The following DNAAF8 variants were observed in gnomAD, a reference collection of about 807,000 sequenced individuals.
The protein encoded by DNAAF8 is dynein axonemal assembly factor 8, also known as dynein axonemal-associated protein 1.
DNAAF8 carries 61 observed loss-of-function variants against 54.6 expected under a neutral mutation model. The ratio of observed to expected loss-of-function variants is 1.12; its 90% CI spans 0.91 to 1.38. The LOEUF (loss-of-function observed/expected upper bound fraction) is 1.38, where lower values mean the gene tolerates loss of function less well. Among genes scored for constraint, DNAAF8 ranks in the 40% most tolerant of loss-of-function variants. The pLI, the probability that DNAAF8 is intolerant of heterozygous loss-of-function variation, is 0.00. For synonymous variants in DNAAF8, 320 were observed against 270.1 expected (o/e 1.18, Z -1.81); for missense variants, 837 against 665.0 (o/e 1.26, Z -2.85).
At position 4,747,579 on chromosome 16, in the gene DNAAF8, C is replaced by G. The variant is rs774438684; in HGVS notation, c.1517C>G (p.Pro506Arg). ...AGAGCCCTGGGGGATGTTCCTGAGCCAGGGGCAGCCAGGGAGGCCCTGATG... is the reference window on the plus strand; with the variant it reads ...AGAGCCCTGGGGGATGTTCCTGAGCGAGGGGCAGCCAGGGAGGCCCTGATG... ...RPRALGDVPE[P>R]GAAREALMPP... Residue 506 changes from proline (P) to arginine (R), a missense_variant, in exon 9 of 10, where the codon CCA (proline) becomes CGA (arginine). Coordinates refer to ENST00000299320, the MANE Select transcript of DNAAF8 (RefSeq NM_139170.3). 1 of 1,610,684 alleles carries G rather than the reference C, an allele frequency of 6.2e-7. No individual in the cohort carries two copies. Among genetic ancestry groups the G allele is most frequent in the South Asian group, 1.1e-5 (1 of 90,902 alleles).
In DNAAF8 at chr16:4,737,927, C is replaced by G. The variant is rs758960991; in HGVS notation, c.257C>G (p.Ala86Gly). The G allele has an allele frequency of 1.9e-5, 30 of 1,614,238 alleles. No homozygotes were observed. Among genetic ancestry groups the G allele is most frequent in the Non-Finnish European group, 2.5e-5 (30 of 1,180,042 alleles). ...AAGTCCAGGGCCTGGGTCGCTGCAG[C>G]TGAAGAGTCCCTTCCCGAGGTCTGT... is the stretch of plus-strand genomic sequence containing the variant. ...GDKSRAWVAA[A>G]EESLPEPVLV... Residue 86 changes from alanine to glycine, a missense_variant, in exon 3 of 10, where the codon GCT becomes GGT. Coordinates refer to ENST00000299320, the MANE Select transcript of DNAAF8 (RefSeq NM_139170.3).
At chr16:4,745,466 G>C (rs897054813) in intron 6 of DNAAF8, among the ~76,000 whole-genome samples, 3 of 152,204 alleles carry the variant, frequency 2.0e-5, no homozygotes, top group African/African-American at 7.2e-5. Flanking sequence ...CAGGGAGAAA[G>C]GCAAGCTGCA....
At position 4,737,908 on chromosome 16, in the gene DNAAF8, A is replaced by G. The variant is rs764317984; in HGVS notation, c.238A>G (p.Arg80Gly). The change falls in exon 3 of 10, where the codon AGG (arginine) becomes GGG (glycine). Residue 80 changes from arginine (R) to glycine (G), a missense_variant. By Grantham distance (125) the Arg-to-Gly change is moderately radical. Coordinates refer to ENST00000299320, the MANE Select transcript of DNAAF8 (RefSeq NM_139170.3). ...AEDPADGDKS[R>G]AWVAAAEESL... Reference sequence around the variant, plus strand: ...AGATCCTGCCGATGGCGACAAGTCCAGGGCCTGGGTCGCTGCAGCTGAAGA... The same window carrying G: ...AGATCCTGCCGATGGCGACAAGTCCGGGGCCTGGGTCGCTGCAGCTGAAGA... 1 of 1,614,246 alleles carries G rather than the reference A, an allele frequency of 6.2e-7. No individual in the cohort carries two copies. The highest frequency in any genetic ancestry group is 8.5e-7 in the Non-Finnish European group (1 of 1,180,044).
At position 4,740,669 on chromosome 16, in the gene DNAAF8, T is replaced by C; in HGVS notation, c.783+10T>C. Reference sequence around the variant, plus strand: ...AGTGCTCTCGCTCCAGGTAGGCGCCTCCCCGTGCCTGGCTGTTTCTCAGGC... The same window carrying C: ...AGTGCTCTCGCTCCAGGTAGGCGCCCCCCCGTGCCTGGCTGTTTCTCAGGC... On this transcript the variant is annotated intron_variant, in intron 4 of 9. Coordinates refer to ENST00000299320, the MANE Select transcript of DNAAF8 (RefSeq NM_139170.3). 1 of 1,569,592 alleles carries C rather than the reference T, an allele frequency of 6.4e-7. No homozygotes were observed. Among genetic ancestry groups the C allele is most frequent in the Non-Finnish European group, 8.6e-7 (1 of 1,162,842 alleles).
intron 4 of DNAAF8, among the ~76,000 whole-genome samples, chr16:4,742,650 G>T (rs2142207451): frequency 6.6e-6 from 1 of 152,246 alleles, no homozygotes; most frequent in African/African-American, 2.4e-5. Context: ...AACCTGGGAG[G>T]TGGAGGTTGC....
At chr16:4,744,776 A>C in intron 5 of DNAAF8, 94 bp from the exon 6 acceptor site, 1 of 1,440,482 alleles carries the variant, frequency 6.9e-7, no homozygotes. Flanking sequence ...GTCCATTCAC[A>C]TGTGGAGACC....
At chr16:4,740,093 A>G (rs2081943047) in intron 3 of DNAAF8, 60 bp from the exon 4 acceptor site, 1 of 1,494,026 alleles carries the variant, frequency 6.7e-7, no homozygotes, top group Admixed American at 2.3e-5. Flanking sequence ...TTTCTATGAA[A>G]AACATTCCCT....
chr16:4,737,943 C>T lies in DNAAF8; in HGVS notation c.273C>T (p.Pro91=), dbSNP rs199745071. ...AWVAAAEESL[P]EPVLVPAELA... Reference sequence around the variant, plus strand: ...TCGCTGCAGCTGAAGAGTCCCTTCCCGAGGTCTGTGGGACACAGAAGAGTA... The same window carrying T: ...TCGCTGCAGCTGAAGAGTCCCTTCCTGAGGTCTGTGGGACACAGAAGAGTA... Residue 91 remains proline, a synonymous_variant, in exon 3 of 10, where the codon CCC becomes CCT. Coordinates refer to ENST00000299320, the MANE Select transcript of DNAAF8 (RefSeq NM_139170.3). 42 of 1,614,082 alleles carry T rather than the reference C, an allele frequency of 2.6e-5. No individual in the cohort carries two copies. Among genetic ancestry groups the T allele is most frequent in the African/African-American group, 4.0e-5 (3 of 75,036 alleles).
intron 2 of DNAAF8, among the ~76,000 whole-genome samples, chr16:4,737,245 C>T (rs1359378228): frequency 6.6e-6 from 1 of 152,150 alleles, no homozygotes; most frequent in Non-Finnish European, 1.5e-5. Context: ...TGGGTCCTAC[C>T]TGGGCACCAG....
intron 2 of DNAAF8, 105 bp from the exon 3 acceptor site, chr16:4,737,695 G>GGGCTGGGCT: frequency 2.8e-6 from 4 of 1,405,676 alleles, no homozygotes; most frequent in Non-Finnish European, 3.9e-6. Context: ...TGGGCTGGGC[G>GGGCTGGGCT]GGCTGGGCTG....
At chr16:4,738,020 T>C in intron 3 of DNAAF8, 74 bp downstream of exon 3, 1 of 1,497,754 alleles carries the variant, frequency 6.7e-7, no homozygotes, top group Non-Finnish European at 9.1e-7. Context: ...TAAACCACTG[T>C]TCTAGCATTT....
At position 4,740,759 on chromosome 16, in the gene DNAAF8, C is replaced by T. The variant is rs1258788655; in HGVS notation, c.783+100C>T. ...GCTAGAAGCAGCTTGAGGGCTGGCC[C>T]ACTAGGACCTTAGGCCCATTATCCA... On this transcript the variant is annotated intron_variant, in intron 4 of 9. Transcript: ENST00000299320. 2.9e-6 allele frequency: 4 copies of T among 1,378,348 alleles called. No individual in the cohort carries two copies. The East Asian group carries it at 7.0e-5, about 24-fold the overall frequency. 85.4% of individuals were successfully genotyped at this position (1,378,348 alleles called of 1,614,324 possible).
At position 4,740,539 on chromosome 16, in the gene DNAAF8, C is replaced by T; in HGVS notation, c.663C>T (p.Gly221=). The change falls in exon 4 of 10, where the codon GGC becomes GGT. Residue 221 remains glycine, a synonymous_variant. Transcript: ENST00000299320. ...AGAAAGTCACCCGGGATGCCTGCGG[C>T]CCGACCAGCAGTGACAAAGGTGGGG... is the stretch of plus-strand genomic sequence containing the variant. ...ILQKVTRDAC[G]PTSSDKGGVK... The T allele has an allele frequency of 6.2e-7, 1 of 1,614,034 alleles. No homozygotes were observed.
intron 3 of DNAAF8, 114 bp downstream of exon 3, chr16:4,738,060 T>C (rs1301494562): frequency 4.6e-6 from 6 of 1,305,634 alleles, no homozygotes; most frequent in South Asian, 1.6e-5. Flanking sequence ...GGTCCTTTTT[T>C]TTTTCCCCCA....
chr16:4,744,171 T>A (rs1596485533), intron 5 of DNAAF8, among the ~76,000 whole-genome samples: 1 of 152,150 alleles, frequency 6.6e-6, no homozygotes, highest in Non-Finnish European at 1.5e-5. Flanking sequence ...GACCTCAGGA[T>A]CCGCCTGCCT....
chr16:4,747,340 C>G lies in DNAAF8; in HGVS notation c.1281-3C>G. ...GAGTGAATTTGGTCTCATTGTGTCA[C>G]AGGACCTGTACCGGGAAAAGCCAGC... On this transcript the variant is annotated splice_polypyrimidine_tract_variant and splice_region_variant and intron_variant, in intron 8 of 9. Transcript: ENST00000299320. 6.4e-7 allele frequency: 1 copy of G among 1,560,780 alleles called. No homozygotes were observed. The highest frequency in any genetic ancestry group is 8.7e-7 in the Non-Finnish European group (1 of 1,151,666).
At chr16:4,745,964 A>C (rs887331543) in intron 6 of DNAAF8, among the ~76,000 whole-genome samples, 6 of 151,932 alleles carry the variant, frequency 3.9e-5, no homozygotes, top group African/African-American at 1.2e-4. Context: ...AAAAAAAAAA[A>C]AAAAAGAAAA....
In DNAAF8 at chr16:4,747,387, T is replaced by C. The variant is rs527654261; in HGVS notation, c.1325T>C (p.Phe442Ser). The part of the protein sequence containing the change: ...KSQLLQQLRA[F>S]QKGTAQPELP... ...CAGCTTCTCCAGCAGCTCAGGGCCT[T>C]TCAGAAGGGGACAGCCCAGCCCGAG... Residue 442 changes from phenylalanine (F) to serine (S), a missense_variant, in exon 9 of 10, where the codon TTT becomes TCT. Coordinates refer to ENST00000299320, the MANE Select transcript of DNAAF8 (RefSeq NM_139170.3). 6 of 1,609,474 alleles carry C rather than the reference T, an allele frequency of 3.7e-6. No homozygotes were observed. The African/African-American group carries it at 6.7e-5, about 18-fold the overall frequency.
At chr16:4,740,035 G>A in intron 3 of DNAAF8, 118 bp from the exon 4 acceptor site, 4 of 1,274,846 alleles carry the variant, frequency 3.1e-6, no homozygotes, top group Non-Finnish European at 4.3e-6. Context: ...CTGCAGCCTG[G>A]GCAACAAAGC....
Sources: gnomAD v4.1 joint callset for allele counts (sites outside exome capture counted in the v4.1 genomes callset) on GRCh38, gnomAD v4.1.1 for gene constraint, MANE v1.5 for transcripts, NCBI Gene and HGNC (gene_info 2026-07-23, HGNC 2026-07-21) for gene names.